DMD: variants seen among roughly 807,000 people sequenced by gnomAD.
DMD encodes the protein dystrophin.
In DMD, 63 loss-of-function variants were observed where a neutral mutation model predicts 330.1. That is an observed-to-expected ratio of 0.19 (90% confidence interval 0.16 to 0.24). The LOEUF is 0.24. Ranked by LOEUF, DMD falls within the 10% of genes least tolerant of loss-of-function variation. DMD has a pLI of 1.00. For synonymous variants in DMD, 1,223 were observed against 959.8 expected (o/e 1.27, Z -5.07); for missense variants, 3,344 against 2,684.1 (o/e 1.25, Z -5.43).
At chrX:33,180,282 T>C (rs1299997843) in intron 1 of DMD, among the ~76,000 whole-genome samples, 1 of 112,262 alleles carries the variant, frequency 8.9e-6, no homozygotes, top group Non-Finnish European at 1.9e-5. Context: ...CTTCTGTTTA[T>C]ACAAATTTAT....
intron 44 of DMD, among the ~76,000 whole-genome samples, chrX:32,003,431 C>T (rs1380903848): frequency 9.0e-6 from 1 of 111,476 alleles, no homozygotes; most frequent in African/African-American, 3.2e-5. Flanking sequence ...TATTTTAGAC[C>T]CAGCTTTTTG....
intron 6 of DMD, 80 bp from the exon 7 acceptor site, chrX:32,809,691 C>T (rs1405747930): frequency 1.1e-6 from 1 of 871,278 alleles, no homozygotes; most frequent in East Asian, 3.2e-5. Context: ...TACTTCCATG[C>T]TTAATTTTCA....
At chrX:32,437,035 G>C (rs1046028938) in intron 29 of DMD, among the ~76,000 whole-genome samples, 3 of 111,472 alleles carry the variant, frequency 2.7e-5, no homozygotes, top group African/African-American at 6.5e-5. Flanking sequence ...TGCAACTGCT[G>C]TCTCCTACCT....
chrX:32,514,173 A>T (rs1469858233), intron 18 of DMD, among the ~76,000 whole-genome samples: 1 of 108,158 alleles, frequency 9.2e-6, no homozygotes, highest in Admixed American at 9.9e-5. Context: ...TGCTGCTGAG[A>T]ACACACACCC....
intron 74 of DMD, among the ~76,000 whole-genome samples, chrX:31,155,677 G>C (rs920394965): frequency 5.4e-5 from 6 of 111,119 alleles, no homozygotes; most frequent in African/African-American, 2.0e-4. Context: ...AAATTGCATT[G>C]AGCCCTTGAA....
chrX:32,654,088 A>G (rs1428918352), intron 9 of DMD, among the ~76,000 whole-genome samples: 6 of 111,696 alleles, frequency 5.4e-5, no homozygotes, highest in South Asian at 3.7e-4. Context: ...CAATCATGTC[A>G]TCTGCAAACA....
intron 44 of DMD, among the ~76,000 whole-genome samples, chrX:31,988,305 T>C (rs1311256877): frequency 2.8e-5 from 3 of 107,648 alleles, no homozygotes; most frequent in Non-Finnish European, 5.8e-5. Context: ...ACTCCGTCTC[T>C]ACTAAAAAAA....
At chrX:32,089,578 G>C (rs1316691970) in intron 44 of DMD, among the ~76,000 whole-genome samples, 1 of 111,667 alleles carries the variant, frequency 9.0e-6, no homozygotes, top group Non-Finnish European at 1.9e-5. Flanking sequence ...TAAGGATAAT[G>C]GCCACTGGCT....
chrX:31,962,970 C>T (rs946900753), intron 45 of DMD, among the ~76,000 whole-genome samples: 10 of 111,834 alleles, frequency 8.9e-5, no homozygotes, highest in Non-Finnish European at 1.9e-5. Flanking sequence ...TTAAAATATT[C>T]GCTTTTAATT....
At chrX:32,345,207 G>A (rs2097759863) in intron 39 of DMD, among the ~76,000 whole-genome samples, 1 of 110,984 alleles carries the variant, frequency 9.0e-6, no homozygotes, top group Admixed American at 9.6e-5. Context: ...AGTGATTATT[G>A]CAAAGCATAT....
intron 46 of DMD, among the ~76,000 whole-genome samples, chrX:31,930,788 C>T (rs1018527528): frequency 3.6e-5 from 4 of 111,677 alleles, no homozygotes; most frequent in African/African-American, 6.5e-5. Flanking sequence ...AAATATGTTT[C>T]GAATGAATTA....
intron 44 of DMD, among the ~76,000 whole-genome samples, chrX:32,022,303 G>A (rs909588695): frequency 2.7e-5 from 3 of 111,888 alleles, no homozygotes; most frequent in South Asian, 3.7e-4. Flanking sequence ...GCATAGCAAC[G>A]ATACAATTTA....
intron 7 of DMD, among the ~76,000 whole-genome samples, chrX:32,784,070 A>C (rs1305939640): frequency 6.3e-5 from 7 of 110,624 alleles, no homozygotes; most frequent in African/African-American, 2.3e-4. Flanking sequence ...AATCATTTTT[A>C]AATAGCCCCA....
chrX:31,494,028 G>T (rs370020406), intron 57 of DMD, among the ~76,000 whole-genome samples: 1 of 108,718 alleles, frequency 9.2e-6, no homozygotes, highest in Admixed American at 9.8e-5. Context: ...ATGGTGGCGC[G>T]TGCCTGTAGT....
At chrX:32,131,894 C>T (rs2096697101) in intron 44 of DMD, among the ~76,000 whole-genome samples, 1 of 111,802 alleles carries the variant, frequency 8.9e-6, no homozygotes, top group South Asian at 3.8e-4. Flanking sequence ...AGGGTAAAGT[C>T]ATCTGAGACT....
intron 55 of DMD, among the ~76,000 whole-genome samples, chrX:31,566,921 G>T (rs1453252863): frequency 9.0e-6 from 1 of 111,279 alleles, no homozygotes; most frequent in Non-Finnish European, 1.9e-5. Context: ...TAGATAATCC[G>T]TAAGTTGTGA....
At chrX:31,500,507 T>C (rs2070323728) in intron 56 of DMD, among the ~76,000 whole-genome samples, 1 of 112,585 alleles carries the variant, frequency 8.9e-6, no homozygotes, top group Admixed American at 9.4e-5. Context: ...ACATTTTCTT[T>C]GACCATGTTA....
At chrX:32,731,298 C>G (rs1307076265) in intron 7 of DMD, among the ~76,000 whole-genome samples, 1 of 112,275 alleles carries the variant, frequency 8.9e-6, no homozygotes, top group African/African-American at 3.2e-5. Context: ...GCACAGCAGT[C>G]TGAGATCAAA....
At chrX:31,978,866 C>T (rs1486138292) in intron 44 of DMD, among the ~76,000 whole-genome samples, 1 of 111,582 alleles carries the variant, frequency 9.0e-6, no homozygotes, top group Non-Finnish European at 1.9e-5. Context: ...CCTGGCAGTG[C>T]TCAAAACATG....
Sources: allele counts gnomAD v4.1 joint callset (sites outside exome capture counted in the v4.1 genomes callset), GRCh38; gene constraint gnomAD v4.1.1; transcripts MANE v1.5; gene names NCBI Gene and HGNC (gene_info 2026-07-23, HGNC 2026-07-21).